Variants in CSMD1 observed in about 807,000 individuals in gnomAD.
The protein encoded by CSMD1 is CUB and sushi domain-containing protein 1.
Under a neutral mutation model 417.5 loss-of-function variants are expected in CSMD1, and 213 were observed. The ratio of observed to expected loss-of-function variants is 0.51; its 90% CI spans 0.46 to 0.57. The LOEUF (loss-of-function observed/expected upper bound fraction) is 0.57, where lower values mean the gene tolerates loss of function less well. Ranked by LOEUF, CSMD1 falls within the 20% of genes least tolerant of loss-of-function variation. CSMD1 has a pLI of 0.00. For missense variants in CSMD1, 6,923 were observed against 4,529.7 expected, an observed-to-expected ratio of 1.53 and a Z score of -15.17; for synonymous variants, 2,862 against 1,736.8, an observed-to-expected ratio of 1.65 and a Z score of -16.11.
Position 3,874,431 on chromosome 8 carries a change from T to C in CSMD1, c.819-120389A>G, listed in dbSNP as rs955077294. ...TATAGGTTTTATCCCTGGATCAAAC[T>C]AAGTAATCAGAAACCAGAAAGCTCA... is the stretch of plus-strand genomic sequence containing the variant. On this transcript the variant is annotated intron_variant, in intron 5 of 69. Transcript: ENST00000635120. 5.9e-5 allele frequency among the ~76,000 whole-genome samples: 9 copies of C among 152,322 alleles called. No homozygotes were observed. In the East Asian group the frequency reaches 7.7e-4, roughly 13 times the overall value.
At chr8:3,340,067 G>GCATGTA (rs1449000944) in intron 23 of CSMD1, among the ~76,000 whole-genome samples, 2 of 152,278 alleles carry the variant, frequency 1.3e-5, no homozygotes, top group East Asian at 3.9e-4. Context: ...CAATTCCTCT[G>GCATGTA]CATGTATCAA....
intron 3 of CSMD1, among the ~76,000 whole-genome samples, chr8:4,148,633 G>C (rs1796406989): frequency 6.6e-6 from 1 of 152,100 alleles, no homozygotes; most frequent in Non-Finnish European, 1.5e-5. Flanking sequence ...GCTGCTCCTG[G>C]AATCCTCACC....
rs1563419612 is a variant in CSMD1, at chr8:4,303,420, C to CTTTTTT, written c.415+116532_415+116533insAAAAAA. Among the ~76,000 whole-genome samples, 52 of 92,326 alleles carry CTTTTTT rather than the reference C, an allele frequency of 5.6e-4. 2 individuals are homozygous for CTTTTTT. The highest frequency in any genetic ancestry group is 7.4e-4 in the South Asian group (2 of 2,698). 60.6% of individuals were successfully genotyped at this position (92,326 alleles called of 152,430 possible). On this transcript the variant is annotated intron_variant, in intron 3 of 69. Transcript: ENST00000635120. ...TCTCATTTATATATTGGGCAGGAAGCTGTTTTTTTTTTTTTTTTTTTTTTT... is the reference window on the plus strand; with the variant it reads ...TCTCATTTATATATTGGGCAGGAAGCTTTTTTTGTTTTTTTTTTTTTTTTTTTTTTT...
At chr8:3,401,890 G>A (rs12545750) in intron 15 of CSMD1, among the ~76,000 whole-genome samples, 78,606 of 151,366 alleles carry the variant, frequency 0.52, 20,769 homozygotes, top group Middle Eastern at 0.62. Flanking sequence ...TACTCACTTA[G>A]CTGATAACAA....
intron 2 of CSMD1, among the ~76,000 whole-genome samples, chr8:4,467,195 G>C (rs968056098): frequency 6.7e-6 from 1 of 148,596 alleles, no homozygotes; most frequent in Middle Eastern, 3.7e-3. Flanking sequence ...AATGTTCAAA[G>C]TCCTTAACAG....
intron 10 of CSMD1, among the ~76,000 whole-genome samples, chr8:3,519,057 T>A (rs1453366147): frequency 6.6e-6 from 1 of 152,206 alleles, no homozygotes; most frequent in Non-Finnish European, 1.5e-5. Context: ...AAAAATCCTC[T>A]TAAAACCAGA....
chr8:3,403,559 G>C (rs983186793), intron 15 of CSMD1, among the ~76,000 whole-genome samples: 2 of 152,136 alleles, frequency 1.3e-5, no homozygotes, highest in Admixed American at 6.5e-5. Flanking sequence ...CATCCTGTTT[G>C]TGCTGTGGTC....
At chr8:4,790,818 A>T (rs978088166) in intron 1 of CSMD1, among the ~76,000 whole-genome samples, 1 of 152,214 alleles carries the variant, frequency 6.6e-6, no homozygotes, top group Non-Finnish European at 1.5e-5. Flanking sequence ...CTTTCACCAT[A>T]TAAGAAAATC....
At chr8:4,984,161 A>G (rs1424752670) in intron 1 of CSMD1, among the ~76,000 whole-genome samples, 2 of 152,214 alleles carry the variant, frequency 1.3e-5, no homozygotes, top group Admixed American at 6.5e-5. Flanking sequence ...TCCTGTTGGT[A>G]TTACATCCTG....
chr8:2,978,852 C>A, intron 54 of CSMD1, 52 bp from the exon 55 acceptor site: 2 of 1,442,336 alleles, frequency 1.4e-6, no homozygotes, highest in East Asian at 4.7e-5. Context: ...GAAATAACAA[C>A]AAAATAGATC....
intron 3 of CSMD1, among the ~76,000 whole-genome samples, chr8:4,385,462 T>C (rs1035762640): frequency 1.3e-5 from 2 of 152,234 alleles, no homozygotes; most frequent in African/African-American, 4.8e-5. Context: ...AGTTTTATTT[T>C]TAAATTCATA....
intron 7 of CSMD1, among the ~76,000 whole-genome samples, chr8:3,700,065 G>C (rs1393435608): frequency 1.3e-5 from 2 of 152,166 alleles, no homozygotes; most frequent in Non-Finnish European, 2.9e-5. Flanking sequence ...AAATATGCCT[G>C]TCCTCATAAG....
chr8:4,839,538 C>A (rs1340398494), intron 1 of CSMD1, among the ~76,000 whole-genome samples: 1 of 152,078 alleles, frequency 6.6e-6, no homozygotes, highest in Non-Finnish European at 1.5e-5. Flanking sequence ...ATTTCTTTTT[C>A]CACAAGAATG....
intron 4 of CSMD1, among the ~76,000 whole-genome samples, chr8:4,021,162 A>T (rs1337554897): frequency 6.6e-6 from 1 of 152,222 alleles, no homozygotes; most frequent in East Asian, 1.9e-4. Flanking sequence ...TGAGCACGTG[A>T]AATGTGGCTA....
chr8:3,435,604 C>A lies in CSMD1; in HGVS notation c.1562-25999G>T, dbSNP rs140105324. ...GTCTGTCTTCTAACCACACCTCCAA[C>A]CTAGCGACCTTGATGACTATGAGCT... On this transcript the variant is annotated intron_variant, in intron 12 of 69. Coordinates refer to ENST00000635120, the MANE Select transcript of CSMD1 (RefSeq NM_033225.6). Among the ~76,000 whole-genome samples the A allele has an allele frequency of 2.7e-3, 406 of 152,274 alleles. 2 individuals are homozygous for A. The highest frequency in any genetic ancestry group is 9.3e-3 in the African/African-American group (387 of 41,552).
chr8:4,126,464 T>G (rs943677190), intron 3 of CSMD1, among the ~76,000 whole-genome samples: 2 of 152,184 alleles, frequency 1.3e-5, no homozygotes, highest in Non-Finnish European at 2.9e-5. Flanking sequence ...AGATTTCACT[T>G]GCTTAACCTG....
chr8:3,503,577 C>A (rs1796696718), intron 10 of CSMD1, among the ~76,000 whole-genome samples: 1 of 152,196 alleles, frequency 6.6e-6, no homozygotes. Context: ...TCCCCGCCCT[C>A]AGGGCCCTGC....
At chr8:4,269,201 C>A (rs1039947651) in intron 3 of CSMD1, among the ~76,000 whole-genome samples, 1 of 152,028 alleles carries the variant, frequency 6.6e-6, no homozygotes, top group Admixed American at 6.6e-5. Flanking sequence ...GGACTACAGA[C>A]CCGAGCCACC....
chr8:4,416,468 T>G (rs1796946553), intron 3 of CSMD1, among the ~76,000 whole-genome samples: 1 of 152,102 alleles, frequency 6.6e-6, no homozygotes, highest in Non-Finnish European at 1.5e-5. Flanking sequence ...AATAAACACG[T>G]GCATTAAAAT....
Sources: allele counts gnomAD v4.1 joint callset (sites outside exome capture counted in the v4.1 genomes callset), GRCh38; gene constraint gnomAD v4.1.1; transcripts MANE v1.5; gene names NCBI Gene and HGNC (gene_info 2026-07-23, HGNC 2026-07-21).